Variants in TCF12 observed in about 807,000 individuals in gnomAD.
The protein encoded by TCF12 is transcription factor 12, also known as DNA-binding protein HTF4.
Under a neutral mutation model 86.0 loss-of-function variants are expected in TCF12, and 45 were observed. That is an observed-to-expected ratio of 0.52 (90% CI 0.41 to 0.67). TCF12 has a LOEUF of 0.67. Among genes scored for constraint, TCF12 ranks in the 30% least tolerant of loss-of-function variants. TCF12 has a pLI of 0.00. For missense variants in TCF12, 881 were observed against 859.9 expected, an observed-to-expected ratio of 1.02 and a Z score of -0.31; for synonymous variants, 330 against 299.6, an observed-to-expected ratio of 1.10 and a Z score of -1.05.
chr15:57,032,040 T>G (rs1567288473), intron 3 of TCF12, among the ~76,000 whole-genome samples: 1 of 152,030 alleles, frequency 6.6e-6, no homozygotes, highest in Non-Finnish European at 1.5e-5. Flanking sequence ...AAGGCAGTTG[T>G]AAAAGTGACC....
chr15:56,944,073 T>A (rs1189592156), intron 3 of TCF12, among the ~76,000 whole-genome samples: 5 of 152,194 alleles, frequency 3.3e-5, no homozygotes, highest in African/African-American at 9.6e-5. Context: ...CTGAAGATAA[T>A]GAACCATTAC....
intron 3 of TCF12, among the ~76,000 whole-genome samples, chr15:56,951,713 G>C (rs909998774): frequency 1.3e-5 from 2 of 152,184 alleles, no homozygotes; most frequent in African/African-American, 4.8e-5. Context: ...GCAATGGCAT[G>C]ATCATGTCTC....
In TCF12 at chr15:57,288,828, G is replaced by A. The variant is rs2062014476; in HGVS notation, c.*2683G>A. 1 of 152,188 alleles carries A rather than the reference G, an allele frequency of 6.6e-6. No homozygotes were observed. Among genetic ancestry groups the A allele is most frequent in the Non-Finnish European group, 1.5e-5 (1 of 68,024 alleles). The allele number at this position is 152,188 out of a possible 1,614,324, so 9.4% of individuals were successfully genotyped here. ...CTCATTTGTAGATACAGAGAAAAAT[G>A]AAGAAGATGGAAAAAGACTCAAAAG... On this transcript the variant is annotated 3_prime_UTR_variant, in exon 21 of 21. Coordinates refer to ENST00000333725, the MANE Select transcript of TCF12 (RefSeq NM_207037.2).
intron 18 of TCF12, 95 bp downstream of exon 18, chr15:57,263,369 A>G (rs577634963): frequency 1.6e-6 from 2 of 1,263,448 alleles, no homozygotes; most frequent in South Asian, 1.3e-5. Context: ...ACTGTCAGCT[A>G]TGTTCTAGAT....
chr15:57,111,255 G>A (rs1310493843), intron 5 of TCF12, among the ~76,000 whole-genome samples: 1 of 152,218 alleles, frequency 6.6e-6, no homozygotes, highest in African/African-American at 2.4e-5. Context: ...ATCCCAGTGA[G>A]TTTCAAGCCA....
chr15:57,170,729 T>TAACA (rs1179903508), intron 6 of TCF12, among the ~76,000 whole-genome samples: 3 of 1,798 alleles, frequency 1.7e-3, no homozygotes, highest in Non-Finnish European at 2.3e-3. Context: ...ATATTATATA[T>TAACA]TATATATAAT....
At chr15:57,099,476 A>G (rs1035335698) in intron 5 of TCF12, among the ~76,000 whole-genome samples, 1 of 152,144 alleles carries the variant, frequency 6.6e-6, no homozygotes, top group African/African-American at 2.4e-5. Context: ...TTCAAAAATT[A>G]AAATTAAAAT....
At chr15:57,068,795 A>G (rs1251748135) in intron 4 of TCF12, among the ~76,000 whole-genome samples, 4 of 152,148 alleles carry the variant, frequency 2.6e-5, no homozygotes, top group Non-Finnish European at 4.4e-5. Flanking sequence ...ACCATGGGAA[A>G]GTTACTTCTA....
Position 57,192,305 on chromosome 15 carries a change from A to G in TCF12, c.526+12A>G, listed in dbSNP as rs777355468. 1 of 1,613,410 alleles carries G rather than the reference A, an allele frequency of 6.2e-7. No homozygotes were observed. The highest frequency in any genetic ancestry group is 1.1e-5 in the South Asian group (1 of 90,984). Reference sequence around the variant, plus strand: ...CTCTGCAGCGCTTGGTGAGTGTATCACACAACAAATCCCATCCCACATATG... The same window carrying G: ...CTCTGCAGCGCTTGGTGAGTGTATCGCACAACAAATCCCATCCCACATATG... On this transcript the variant is annotated intron_variant, in intron 7 of 20. Transcript: ENST00000333725.
At chr15:57,122,009 A>G (rs536128229) in intron 5 of TCF12, among the ~76,000 whole-genome samples, 6 of 151,458 alleles carry the variant, frequency 4.0e-5, no homozygotes, top group Non-Finnish European at 7.4e-5. Context: ...TGTGTATTAC[A>G]TATTTAGCCA....
chr15:56,985,882 A>T (rs748466153), intron 3 of TCF12, among the ~76,000 whole-genome samples: 19 of 152,194 alleles, frequency 1.2e-4, no homozygotes, highest in Non-Finnish European at 2.2e-4. Context: ...TAGTAAAACC[A>T]ACAGGACCAA....
chr15:57,250,887 C>G (rs2152006212), intron 13 of TCF12, among the ~76,000 whole-genome samples: 1 of 139,180 alleles, frequency 7.2e-6, no homozygotes, highest in East Asian at 2.0e-4. Context: ...CAGTGAGACT[C>G]CATCTCAAAA....
chr15:57,014,877 A>ATTATTATTG (rs1346322310), intron 3 of TCF12, among the ~76,000 whole-genome samples: 3 of 147,614 alleles, frequency 2.0e-5, no homozygotes, highest in Non-Finnish European at 4.5e-5. Context: ...TATTATTATT[A>ATTATTATTG]TTATTATTAT....
chr15:56,962,593 C>T (rs1219010937), intron 3 of TCF12, among the ~76,000 whole-genome samples: 1 of 152,054 alleles, frequency 6.6e-6, no homozygotes, highest in Non-Finnish European at 1.5e-5. Flanking sequence ...CAACAAAAAG[C>T]GAACCCAGAC....
At chr15:56,985,959 A>C (rs2063159216) in intron 3 of TCF12, among the ~76,000 whole-genome samples, 1 of 152,152 alleles carries the variant, frequency 6.6e-6, no homozygotes, top group African/African-American at 2.4e-5. Context: ...TGTTTTGAGG[A>C]GTGGACAGAA....
chr15:57,157,676 C>A (rs942064869), intron 5 of TCF12, among the ~76,000 whole-genome samples: 1 of 151,710 alleles, frequency 6.6e-6, no homozygotes, highest in South Asian at 2.1e-4. Flanking sequence ...GAGTCTCCTG[C>A]CTCAGCCTCC....
intron 5 of TCF12, among the ~76,000 whole-genome samples, chr15:57,149,154 G>A (rs1235673587): frequency 6.6e-6 from 1 of 152,194 alleles, no homozygotes; most frequent in Non-Finnish European, 1.5e-5. Flanking sequence ...GACGTAGCTT[G>A]CATAGTGAGA....
chr15:57,072,767 A>T, intron 4 of TCF12: 1 of 1,180,222 alleles, frequency 8.5e-7, no homozygotes, highest in Admixed American at 3.0e-5. Context: ...CTGTTTTGTT[A>T]TGTAACTGCT....
intron 3 of TCF12, among the ~76,000 whole-genome samples, chr15:57,062,108 C>T (rs1489023837): frequency 6.6e-6 from 1 of 152,098 alleles, no homozygotes; most frequent in Non-Finnish European, 1.5e-5. Context: ...AGGCGCCCGC[C>T]ACCACACCTG....
Sources: allele counts gnomAD v4.1 joint callset (sites outside exome capture counted in the v4.1 genomes callset), GRCh38; gene constraint gnomAD v4.1.1; transcripts MANE v1.5; gene names NCBI Gene and HGNC (gene_info 2026-07-23, HGNC 2026-07-21).